PRIM2: variants seen among roughly 807,000 people sequenced by gnomAD.
The protein encoded by PRIM2 is DNA primase subunit 2, also known as DNA primase large subunit.
PRIM2 carries 39 observed loss-of-function variants against 67.3 expected under a neutral mutation model. The observed-to-expected ratio is 0.58, with a 90% CI of 0.45 to 0.76. The LOEUF (loss-of-function observed/expected upper bound fraction) is 0.76, where lower values mean the gene tolerates loss of function less well. Ranked by LOEUF, PRIM2 falls within the 30% of genes least tolerant of loss-of-function variation. The probability of loss-of-function intolerance (pLI) is 0.00; values close to 1 mark genes in which losing one functional copy is unlikely to be tolerated. For missense variants in PRIM2, 398 were observed against 598.7 expected (o/e 0.66, Z 3.50); for synonymous variants, 143 against 198.7 (o/e 0.72, Z 2.36).
At chr6:57,367,932 C>T (rs1434907091) in intron 5 of PRIM2, among the ~76,000 whole-genome samples, 1 of 152,202 alleles carries the variant, frequency 6.6e-6, no homozygotes, top group African/African-American at 2.4e-5. Context: ...TAGATCTTAG[C>T]TCTCAACGGA....
chr6:57,382,308 C>T (rs1769992053), intron 7 of PRIM2, 140 bp downstream of exon 7: 2 of 950,210 alleles, frequency 2.1e-6, no homozygotes, highest in South Asian at 2.9e-5. Flanking sequence ...TGATGTTGTA[C>T]TGTTAATCCC....
intron 7 of PRIM2, among the ~76,000 whole-genome samples, chr6:57,400,001 A>G (rs1770651682): frequency 2.6e-5 from 4 of 152,324 alleles, no homozygotes; most frequent in African/African-American, 9.6e-5. Flanking sequence ...TACGAGACCC[A>G]TTAAGAAATG....
At chr6:57,511,365 G>A (rs1186124660) in intron 8 of PRIM2, among the ~76,000 whole-genome samples, 1 of 152,104 alleles carries the variant, frequency 6.6e-6, no homozygotes, top group African/African-American at 2.4e-5. Flanking sequence ...CTTAGTGCCC[G>A]TTATGTGCTT....
intron 7 of PRIM2, among the ~76,000 whole-genome samples, chr6:57,407,900 TG>T (rs530876815): frequency 2.5e-4 from 38 of 152,338 alleles, no homozygotes; most frequent in Admixed American, 1.8e-3. Flanking sequence ...TTAACCCTGT[TG>T]GCAACGTTAT....
At position 57,599,015 on chromosome 6, in the gene PRIM2, C is replaced by T. The variant is rs1776416830; in HGVS notation, c.1021-2078C>T. On this transcript the variant is annotated intron_variant, in intron 10 of 13. Coordinates refer to ENST00000615550, the MANE Select transcript of PRIM2 (RefSeq NM_000947.5). ...AGGCTGGAGTGCAGTGGCGCGATCT[C>T]GGCTCACTGCAAGCTCCGCCTCCCG... Among the ~76,000 whole-genome samples, 3 of 52,926 alleles carry T rather than the reference C, an allele frequency of 5.7e-5. 1 individual carries two copies. Among genetic ancestry groups the T allele is most frequent in the South Asian group, 9.5e-4 (2 of 2,098 alleles). 34.7% of individuals were successfully genotyped at this position (52,926 alleles called of 152,430 possible). A position where few individuals can be genotyped will look rare whatever the true frequency, so the allele number is the denominator to read the frequency against.
At chr6:57,418,772 A>G (rs1335261220) in intron 7 of PRIM2, among the ~76,000 whole-genome samples, 3 of 152,206 alleles carry the variant, frequency 2.0e-5, no homozygotes, top group South Asian at 2.1e-4. Context: ...CACAGTCTCT[A>G]TAGAGGGACT....
At chr6:57,498,758 G>A (rs1253478198) in intron 7 of PRIM2, among the ~76,000 whole-genome samples, 1 of 151,992 alleles carries the variant, frequency 6.6e-6, no homozygotes, top group Non-Finnish European at 1.5e-5. Context: ...TTCAGAGAAG[G>A]GATTCATTAT....
intron 7 of PRIM2, among the ~76,000 whole-genome samples, chr6:57,418,553 C>T (rs143620757): frequency 1.3e-5 from 2 of 150,786 alleles, no homozygotes; most frequent in Middle Eastern, 3.4e-3. Context: ...CGTGCCACCA[C>T]GCCCAGCTAA....
At chr6:57,475,728 C>A (rs1773461824) in intron 7 of PRIM2, among the ~76,000 whole-genome samples, 1 of 152,200 alleles carries the variant, frequency 6.6e-6, no homozygotes, top group African/African-American at 2.4e-5. Context: ...CATAGCTAGA[C>A]TATGGGTAAA....
At chr6:57,617,917 G>C (rs1328138526) in intron 12 of PRIM2, among the ~76,000 whole-genome samples, 2 of 152,154 alleles carry the variant, frequency 1.3e-5, no homozygotes, top group East Asian at 3.9e-4. Flanking sequence ...AATTTTTGTA[G>C]ATGGTATGAT....
intron 2 of PRIM2, 71 bp from the exon 3 acceptor site, chr6:57,320,386 C>T (rs1358437729): frequency 2.9e-6 from 3 of 1,021,512 alleles, no homozygotes; most frequent in African/African-American, 3.3e-5. Context: ...TGGAATTGCC[C>T]TCCATAGATT....
At chr6:57,432,377 G>T (rs1771865571) in intron 7 of PRIM2, among the ~76,000 whole-genome samples, 1 of 150,498 alleles carries the variant, frequency 6.6e-6, no homozygotes, top group African/African-American at 2.5e-5. Context: ...AGACTGAAGG[G>T]CATTGAATGA....
intron 7 of PRIM2, among the ~76,000 whole-genome samples, chr6:57,472,948 C>A (rs1284837497): frequency 6.6e-6 from 1 of 152,146 alleles, no homozygotes; most frequent in African/African-American, 2.4e-5. Context: ...ATGCAGGAGG[C>A]CACTTTTCGT....
At chr6:57,383,771 G>A (rs1244759000) in intron 7 of PRIM2, among the ~76,000 whole-genome samples, 3 of 152,110 alleles carry the variant, frequency 2.0e-5, no homozygotes, top group Non-Finnish European at 4.4e-5. Flanking sequence ...CTGTCGTTGA[G>A]TTGCTGAATT....
At chr6:57,590,257 G>C (rs1418592354) in intron 10 of PRIM2, among the ~76,000 whole-genome samples, 1 of 152,180 alleles carries the variant, frequency 6.6e-6, no homozygotes, top group African/African-American at 2.4e-5. Flanking sequence ...TTAGAGATTG[G>C]TTATTGTGTC....
chr6:57,294,639 CAT>C, the PRIM2 span, among the ~76,000 whole-genome samples: 9 of 150,814 alleles, frequency 6.0e-5, no homozygotes, highest in South Asian at 4.2e-4. Flanking sequence ...ACATATATAA[CAT>C]ATGTGTATGT....
intron 10 of PRIM2, among the ~76,000 whole-genome samples, chr6:57,562,796 T>C (rs1262694407): frequency 2.6e-5 from 4 of 152,214 alleles, no homozygotes; most frequent in African/African-American, 4.8e-5. Flanking sequence ...CTTTCTCTCA[T>C]ACCGATGCTC....
intron 7 of PRIM2, among the ~76,000 whole-genome samples, chr6:57,470,540 G>A (rs1773314574): frequency 6.9e-6 from 1 of 144,624 alleles, no homozygotes; most frequent in Non-Finnish European, 1.5e-5. Context: ...GAGCATTGCT[G>A]CTTAGGTAGA....
chr6:57,278,660 T>C, the PRIM2 span, among the ~76,000 whole-genome samples: 1 of 152,060 alleles, frequency 6.6e-6, no homozygotes, highest in Non-Finnish European at 1.5e-5. Flanking sequence ...CAGGACACAA[T>C]GTGTTTTTTT....
Sources: allele counts gnomAD v4.1 joint callset (sites outside exome capture counted in the v4.1 genomes callset), GRCh38; gene constraint gnomAD v4.1.1; transcripts MANE v1.5; gene names NCBI Gene and HGNC (gene_info 2026-07-23, HGNC 2026-07-21).